Variants in KCNQ3 observed in about 807,000 individuals in gnomAD.
KCNQ3 encodes the protein potassium voltage-gated channel subfamily KQT member 3.
A neutral mutation model predicts 92.5 loss-of-function variants in KCNQ3; 30 were observed. That is an observed-to-expected ratio of 0.32 (90% CI 0.24 to 0.44). The LOEUF is 0.44. KCNQ3 is among the 20% of genes least tolerant of loss of function. The pLI is 1.00. For missense variants in KCNQ3, 913 were observed against 1,140.3 expected (o/e 0.80, Z 2.87); for synonymous variants, 450 against 468.8 (o/e 0.96, Z 0.52).
intron 1 of KCNQ3, among the ~76,000 whole-genome samples, chr8:132,318,896 G>C (rs977057301): frequency 3.3e-5 from 5 of 152,176 alleles, no homozygotes; most frequent in Non-Finnish European, 7.3e-5. Context: ...GAAGTACCTT[G>C]AATTGGCTAG....
At chr8:132,361,012 T>C (rs1819151441) in intron 1 of KCNQ3, among the ~76,000 whole-genome samples, 2 of 152,172 alleles carry the variant, frequency 1.3e-5, no homozygotes, top group South Asian at 2.1e-4. Flanking sequence ...AGAATGCCAC[T>C]TTTTGAGTGC....
At chr8:132,404,988 G>C (rs956885369) in intron 1 of KCNQ3, among the ~76,000 whole-genome samples, 4 of 152,204 alleles carry the variant, frequency 2.6e-5, no homozygotes, top group Non-Finnish European at 5.9e-5. Context: ...GACAAAGCAA[G>C]GGTCTTGCTG....
intron 1 of KCNQ3, among the ~76,000 whole-genome samples, chr8:132,353,095 G>A (rs895712230): frequency 6.6e-6 from 1 of 152,142 alleles, no homozygotes; most frequent in Non-Finnish European, 1.5e-5. Context: ...GCATGGTGGT[G>A]GGCGCCTGTA....
chr8:132,413,619 T>C (rs1378911167), intron 1 of KCNQ3, among the ~76,000 whole-genome samples: 2 of 152,188 alleles, frequency 1.3e-5, no homozygotes, highest in Non-Finnish European at 2.9e-5. Flanking sequence ...AATAAATGGA[T>C]CCTATAATTC....
intron 4 of KCNQ3, among the ~76,000 whole-genome samples, chr8:132,177,009 G>A (rs975872789): frequency 6.6e-6 from 1 of 152,208 alleles, no homozygotes; most frequent in African/African-American, 2.4e-5. Context: ...GGGAATTTGA[G>A]GACGGAAACG....
intron 1 of KCNQ3, among the ~76,000 whole-genome samples, chr8:132,235,500 C>CA (rs1200818641): frequency 6.6e-6 from 1 of 151,700 alleles, no homozygotes; most frequent in Non-Finnish European, 1.5e-5. Flanking sequence ...GACGCCATCT[C>CA]AAAAAAAAGA....
intron 1 of KCNQ3, among the ~76,000 whole-genome samples, chr8:132,397,965 T>TA (rs1308092329): frequency 6.6e-6 from 1 of 152,214 alleles, no homozygotes; most frequent in Non-Finnish European, 1.5e-5. Context: ...ATCTAATTTA[T>TA]AAAATATTAA....
intron 1 of KCNQ3, among the ~76,000 whole-genome samples, chr8:132,393,994 C>T (rs1252397203): frequency 1.3e-5 from 2 of 152,194 alleles, no homozygotes; most frequent in South Asian, 2.1e-4. Flanking sequence ...CCTTGCTGTG[C>T]TCAGTGTGAT....
chr8:132,132,361 T>TG lies in KCNQ3; in HGVS notation c.1800-98_1800-97insC. On this transcript the variant is annotated intron_variant, in intron 13 of 14. Coordinates refer to ENST00000388996, the MANE Select transcript of KCNQ3 (RefSeq NM_004519.4). ...AGGCCATGGCCAACAGAGCCATCGT[T>TG]CTCACCCTCACACTTGTGTGGCATA... The TG allele has an allele frequency of 3.4e-6, 3 of 874,948 alleles. No homozygotes were observed. In the South Asian group the frequency reaches 4.1e-5, roughly 12 times the overall value. The allele number at this position is 874,948 out of a possible 1,614,324, so 54.2% of individuals were successfully genotyped here. A position where few individuals can be genotyped will look rare whatever the true frequency, so the allele number is the denominator to read the frequency against.
At chr8:132,233,468 G>A (rs1814705135) in intron 1 of KCNQ3, among the ~76,000 whole-genome samples, 1 of 152,180 alleles carries the variant, frequency 6.6e-6, no homozygotes, top group Non-Finnish European at 1.5e-5. Context: ...AGGGTGTGTG[G>A]GAAGCCTAGT....
Position 132,140,061 on chromosome 8 carries a change from C to T in KCNQ3, c.1568+15G>A, listed in dbSNP as rs766512941. ...GGGAGGCACACAGGCACAGGTGGGA[C>T]CGTGGGGGCATTACCTGACGGCTCG... On this transcript the variant is annotated intron_variant, in intron 11 of 14. Coordinates refer to ENST00000388996, the MANE Select transcript of KCNQ3 (RefSeq NM_004519.4). 3.7e-5 allele frequency: 58 copies of T among 1,562,614 alleles called. No homozygotes were observed. The highest frequency in any genetic ancestry group is 1.8e-4 in the Admixed American group (10 of 57,020).
At chr8:132,207,759 T>C (rs1227806604) in intron 1 of KCNQ3, among the ~76,000 whole-genome samples, 1 of 152,014 alleles carries the variant, frequency 6.6e-6, no homozygotes, top group Non-Finnish European at 1.5e-5. Context: ...ACTGTTTCTT[T>C]TGAGAGCCAA....
intron 1 of KCNQ3, among the ~76,000 whole-genome samples, chr8:132,193,158 G>GA (rs1234376852): frequency 6.6e-6 from 1 of 152,162 alleles, no homozygotes; most frequent in African/African-American, 2.4e-5. Flanking sequence ...GTCTTGGGGA[G>GA]AGCCAATAGC....
chr8:132,414,747 C>G (rs1325190625), intron 1 of KCNQ3, among the ~76,000 whole-genome samples: 1 of 152,154 alleles, frequency 6.6e-6, no homozygotes, highest in Non-Finnish European at 1.5e-5. Context: ...AAATAATAGA[C>G]AGAGGGAGCA....
intron 1 of KCNQ3, among the ~76,000 whole-genome samples, chr8:132,376,721 A>G (rs1293616466): frequency 1.3e-5 from 2 of 152,224 alleles, no homozygotes; most frequent in East Asian, 1.9e-4. Context: ...ATCTATTAGC[A>G]TATTTGATCT....
rs181389652 is a variant in KCNQ3, at chr8:132,150,987, T to C, written c.1263-9656A>G. 4.8e-3 allele frequency among the ~76,000 whole-genome samples: 726 copies of C among 152,294 alleles called. 5 individuals carry two copies. Among genetic ancestry groups the C allele is most frequent in the African/African-American group, 0.017 (699 of 41,552 alleles). ...AAAATAAAAACATTATTGTTGGTTATAAAAAATAATTATTGGTAAGAAGCA... is the reference window on the plus strand; with the variant it reads ...AAAATAAAAACATTATTGTTGGTTACAAAAAATAATTATTGGTAAGAAGCA... On this transcript the variant is annotated intron_variant, in intron 9 of 14. Transcript: ENST00000388996.
Position 132,298,936 on chromosome 8 carries a change from T to TA in KCNQ3, c.387-112756dup, listed in dbSNP as rs1032039397. Among the ~76,000 whole-genome samples the TA allele has an allele frequency of 4.6e-5, 7 of 151,896 alleles. No individual in the cohort carries two copies. In the East Asian group the frequency reaches 5.8e-4, roughly 13 times the overall value. On this transcript the variant is annotated intron_variant, in intron 1 of 14. Coordinates refer to ENST00000388996, the MANE Select transcript of KCNQ3 (RefSeq NM_004519.4). ...AAACAAACAAAAAGAATTACTCACT[T>TA]AAAAAAAATTACTCACTTTTAATTT...
rs34798998 is a variant in KCNQ3 at position 132,478,629 on chromosome 8, G to GAC, written c.386+1516_386+1517dup. On this transcript the variant is annotated intron_variant, in intron 1 of 14. Transcript: ENST00000388996. ...AGACCCCGACCAACACCTGCAAATA[G>GAC]ACACACACACACACACATACACACG... 8.5e-3 allele frequency among the ~76,000 whole-genome samples: 1,282 copies of GAC among 150,874 alleles called. 10 individuals are homozygous for GAC. Among genetic ancestry groups the GAC allele is most frequent in the African/African-American group, 0.028 (1,168 of 41,120 alleles).
chr8:132,455,217 C>T (rs1300345466), intron 1 of KCNQ3, among the ~76,000 whole-genome samples: 1 of 152,116 alleles, frequency 6.6e-6, no homozygotes, highest in Non-Finnish European at 1.5e-5. Context: ...AGTGATTCTC[C>T]TGCCTCAGCC....
Sources: gnomAD v4.1 joint callset for allele counts (sites outside exome capture counted in the v4.1 genomes callset) on GRCh38, gnomAD v4.1.1 for gene constraint, MANE v1.5 for transcripts, NCBI Gene and HGNC (gene_info 2026-07-23, HGNC 2026-07-21) for gene names.